The following PTP4A3 variants were observed in gnomAD, a reference collection of about 807,000 sequenced individuals.
PTP4A3 encodes protein tyrosine phosphatase 4A3, also known as protein tyrosine phosphatase type IVA 3.
Under a neutral mutation model 15.2 loss-of-function variants are expected in PTP4A3, and 9 were observed. The observed-to-expected ratio is 0.59, with a 90% confidence interval of 0.36 to 1.03. The LOEUF (loss-of-function observed/expected upper bound fraction) is 1.03. Among genes scored for constraint, PTP4A3 ranks in the 50% least tolerant of loss-of-function variants. The pLI is 0.02. For synonymous variants in PTP4A3, 95 were observed against 102.0 expected (o/e 0.93, Z 0.41); for missense variants, 234 against 252.1 (o/e 0.93, Z 0.49).
At chr8:141,392,240 C>G (rs1375894974) in intron 1 of PTP4A3, among the ~76,000 whole-genome samples, 156 bp downstream of exon 1, 1 of 151,612 alleles carries the variant, frequency 6.6e-6, no homozygotes, top group African/African-American at 2.4e-5. Flanking sequence ...CCGCGCGTCC[C>G]GGGACCCTGC....
At chr8:141,422,750 TAGACC>T (rs1833395628) in intron 2 of PTP4A3, among the ~76,000 whole-genome samples, 1 of 152,144 alleles carries the variant, frequency 6.6e-6, no homozygotes, top group Non-Finnish European at 1.5e-5. Context: ...GGCCTCAGGT[TAGACC>T]AGGCTGGACT....
chr8:141,394,180 C>T (rs958085983), intron 1 of PTP4A3, among the ~76,000 whole-genome samples: 11 of 152,186 alleles, frequency 7.2e-5, no homozygotes, highest in Non-Finnish European at 1.5e-4. Flanking sequence ...GAGGCCTCTC[C>T]CTGGTTGGCA....
At chr8:141,428,620 C>A (rs1166053513) in intron 5 of PTP4A3, among the ~76,000 whole-genome samples, 1 of 151,654 alleles carries the variant, frequency 6.6e-6, no homozygotes, top group Non-Finnish European at 1.5e-5. Flanking sequence ...GAGTGTGGCC[C>A]GCCCTGTGGG....
chr8:141,393,403 C>T (rs1586529150), intron 1 of PTP4A3, among the ~76,000 whole-genome samples: 1 of 152,330 alleles, frequency 6.6e-6, no homozygotes, highest in East Asian at 1.9e-4. Flanking sequence ...GAGAAGCTGC[C>T]CTGTGTAGGA....
At position 141,427,474 on chromosome 8, in the gene PTP4A3, T is replaced by C. The variant is rs1370100498; in HGVS notation, c.330-276T>C. ...CAGAGGGAGACCCAGGCGAGCAGAG[T>C]TGATAGCAGGCATGGATCCGGCTCT... On this transcript the variant is annotated intron_variant, in intron 4 of 5. Transcript: ENST00000521578. Among the ~76,000 whole-genome samples the C allele has an allele frequency of 2.0e-5, 3 of 152,058 alleles. No individual in the cohort carries two copies. The East Asian group carries it at 5.8e-4, about 29-fold the overall frequency.
At chr8:141,405,873 A>G (rs1426033571) in intron 1 of PTP4A3, among the ~76,000 whole-genome samples, 1 of 152,098 alleles carries the variant, frequency 6.6e-6, no homozygotes, top group Non-Finnish European at 1.5e-5. Context: ...CCTGGCCTCC[A>G]GCACAGGCAG....
chr8:141,394,359 C>T (rs1832384458), intron 1 of PTP4A3, among the ~76,000 whole-genome samples: 1 of 152,156 alleles, frequency 6.6e-6, no homozygotes, highest in Admixed American at 6.5e-5. Context: ...GGTCCCAAAT[C>T]TGACCAAAGG....
Position 141,427,030 on chromosome 8 carries a change from G to A in PTP4A3, c.290G>A (p.Gly97Asp). Residue 97 changes from glycine (G) to aspartate (D), a missense_variant, in exon 4 of 6, where the codon GGC (glycine) becomes GAC (aspartate). Transcript: ENST00000521578. ...LVKAKFCEAP[G>D]SCVAVHCVAG... ...AAGGCCAAGTTCTGTGAGGCCCCCGGCAGCTGCGTGGCTGTGCACTGCGTG... is the reference window on the plus strand; with the variant it reads ...AAGGCCAAGTTCTGTGAGGCCCCCGACAGCTGCGTGGCTGTGCACTGCGTG... 6.2e-7 allele frequency: 1 copy of A among 1,601,672 alleles called. No homozygotes were observed. The highest frequency in any genetic ancestry group is 8.5e-7 in the Non-Finnish European group (1 of 1,179,802).
At chr8:141,419,968 A>G (rs890646826) in intron 1 of PTP4A3, among the ~76,000 whole-genome samples, 48 of 152,230 alleles carry the variant, frequency 3.2e-4, no homozygotes, top group African/African-American at 1.2e-3. Context: ...ACTGGCTGCC[A>G]CCCAGGGTGT....
intron 1 of PTP4A3, 135 bp downstream of exon 1, chr8:141,392,219 C>T (rs1280547143): frequency 1.3e-5 from 2 of 151,132 alleles, no homozygotes; most frequent in Non-Finnish European, 3.0e-5. Context: ...GGGCCGCCGC[C>T]TTCCCCCTGC....
chr8:141,412,010 C>G (rs1195841174), intron 1 of PTP4A3, among the ~76,000 whole-genome samples: 1 of 152,222 alleles, frequency 6.6e-6, no homozygotes, highest in Non-Finnish European at 1.5e-5. Context: ...TGAGGATGGA[C>G]ATGGGCATTG....
rs1009689875 is a variant in PTP4A3, at chr8:141,421,922, G to C, written c.-319G>C. The C allele has an allele frequency of 3.5e-5, 13 of 370,056 alleles. No homozygotes were observed. The highest frequency in any genetic ancestry group is 2.8e-4 in the African/African-American group (13 of 46,960). 22.9% of individuals were successfully genotyped at this position (370,056 alleles called of 1,614,324 possible). A position where few individuals can be genotyped will look rare whatever the true frequency, so the allele number is the denominator to read the frequency against. On this transcript the variant is annotated 5_prime_UTR_variant, in exon 2 of 6. An upstream open reading frame in the 5' UTR loses its in-frame stop. Transcript: ENST00000521578. ...TGCCTCTTTATGACTATCCAGCTCT[G>C]AGAGACGGGAGTTTGGAGTTGCCCG...
In PTP4A3 at chr8:141,431,123, T is replaced by A; in HGVS notation, c.*79T>A. On this transcript the variant is annotated 3_prime_UTR_variant, in exon 6 of 6. Coordinates refer to ENST00000521578, the MANE Select transcript of PTP4A3 (RefSeq NM_032611.3). The stretch of plus-strand genomic sequence containing the variant: ...CTGGAGGCCCTGCCCAGCCCTGCTC[T>A]GCCCAGCCCAGCAGGGGCTCCAGGC... 2 of 1,396,782 alleles carry A rather than the reference T, an allele frequency of 1.4e-6. No homozygotes were observed. The highest frequency in any genetic ancestry group is 2.0e-6 in the Non-Finnish European group (2 of 991,288). The allele number at this position is 1,396,782 out of a possible 1,614,324, so 86.5% of individuals were successfully genotyped here. A position where few individuals can be genotyped will look rare whatever the true frequency, so the allele number is the denominator to read the frequency against.
intron 1 of PTP4A3, among the ~76,000 whole-genome samples, chr8:141,397,083 TG>T (rs1437602718): frequency 6.6e-6 from 1 of 152,144 alleles, no homozygotes; most frequent in Non-Finnish European, 1.5e-5. Flanking sequence ...GAACACAGGT[TG>T]ATCTGTGTTG....
intron 1 of PTP4A3, among the ~76,000 whole-genome samples, chr8:141,398,773 G>A (rs1832512342): frequency 6.6e-6 from 1 of 152,174 alleles, no homozygotes; most frequent in East Asian, 1.9e-4. Context: ...TTGTCCAGGA[G>A]GCTTTTCTCT....
intron 1 of PTP4A3, among the ~76,000 whole-genome samples, chr8:141,418,737 A>G (rs1440960918): frequency 1.3e-5 from 2 of 152,098 alleles, no homozygotes; most frequent in Non-Finnish European, 2.9e-5. Flanking sequence ...GGACACATGG[A>G]GGCAGGGGCA....
chr8:141,417,541 C>T (rs1456436829), intron 1 of PTP4A3, among the ~76,000 whole-genome samples: 1 of 152,080 alleles, frequency 6.6e-6, no homozygotes, highest in African/African-American at 2.4e-5. Context: ...CCACCAGGAG[C>T]GCGGCCCGGC....
At chr8:141,430,561 TACTC>T (rs939997186) in intron 5 of PTP4A3, among the ~76,000 whole-genome samples, 3 of 152,174 alleles carry the variant, frequency 2.0e-5, no homozygotes, top group Admixed American at 1.3e-4. Flanking sequence ...GCCCCTCCCT[TACTC>T]ACAGGCCCCC....
At chr8:141,392,105 C>T (rs1191919945) in intron 1 of PTP4A3, 21 bp downstream of exon 1, 3 of 146,894 alleles carry the variant, frequency 2.0e-5, no homozygotes, top group Admixed American at 1.4e-4. Flanking sequence ...TCCGCGCCCG[C>T]TCGGGGCGGG....
Sources: allele counts gnomAD v4.1 joint callset (sites outside exome capture counted in the v4.1 genomes callset), GRCh38; gene constraint gnomAD v4.1.1; transcripts MANE v1.5; gene names NCBI Gene and HGNC (gene_info 2026-07-23, HGNC 2026-07-21).